The following ELAVL4 variants were observed in gnomAD, a reference collection of about 807,000 sequenced individuals.
The protein encoded by ELAVL4 is ELAV-like protein 4.
In ELAVL4, 1 loss-of-function variant was observed where a neutral mutation model predicts 35.6. The ratio of observed to expected loss-of-function variants is 0.03; its 90% CI spans 0.01 to 0.13. ELAVL4 has a LOEUF of 0.13. ELAVL4 is among the 10% of genes least tolerant of loss of function. The pLI is 1.00. For synonymous variants in ELAVL4, 156 were observed against 171.0 expected, an observed-to-expected ratio of 0.91 and a Z score of 0.69; for missense variants, 267 against 464.9, an observed-to-expected ratio of 0.57 and a Z score of 3.91.
chr1:50,106,049 G>GAA, upstream of ELAVL4: 3 of 380,224 alleles, frequency 7.9e-6, no homozygotes, highest in Non-Finnish European at 1.4e-5. Flanking sequence ...CCGCCTCATG[G>GAA]AAGTCAAGGA....
chr1:50,055,240 G>T (rs1320215945), intron 1 of ELAVL4, among the ~76,000 whole-genome samples: 2 of 151,908 alleles, frequency 1.3e-5, no homozygotes, highest in African/African-American at 4.8e-5. Context: ...TTAAATCCTG[G>T]TTTTGTGACT....
chr1:50,157,349 C>T (rs1213432266), intron 2 of ELAVL4, among the ~76,000 whole-genome samples: 4 of 152,118 alleles, frequency 2.6e-5, no homozygotes, highest in African/African-American at 9.7e-5. Context: ...CTGGTAAATT[C>T]AGGATATTAC....
intron 1 of ELAVL4, among the ~76,000 whole-genome samples, chr1:50,053,260 A>G (rs1663484934): frequency 6.6e-6 from 1 of 152,184 alleles, no homozygotes; most frequent in African/African-American, 2.4e-5. Flanking sequence ...TTCTTTTTGT[A>G]CTTTTAATAC....
chr1:50,171,847 T>C (rs1013550742), intron 2 of ELAVL4, among the ~76,000 whole-genome samples: 11 of 152,194 alleles, frequency 7.2e-5, no homozygotes, highest in African/African-American at 2.7e-4. Flanking sequence ...TCCCAGGATA[T>C]GGAGTTGGCT....
intron 6 of ELAVL4, among the ~76,000 whole-genome samples, chr1:50,198,456 T>C (rs1315712075): frequency 6.6e-6 from 1 of 152,178 alleles, no homozygotes; most frequent in Admixed American, 6.5e-5. Context: ...TCACTGGCCA[T>C]CCATGGTAAG....
At chr1:50,168,605 G>A (rs1366415076) in intron 2 of ELAVL4, among the ~76,000 whole-genome samples, 1 of 152,074 alleles carries the variant, frequency 6.6e-6, no homozygotes, top group Non-Finnish European at 1.5e-5. Context: ...CAACCAACCA[G>A]CTTCATTATG....
chr1:50,105,161 C>G (rs114378284), upstream of ELAVL4, among the ~76,000 whole-genome samples: 2,306 of 152,102 alleles, frequency 0.015, 58 homozygotes, highest in African/African-American at 0.053. Flanking sequence ...TAATTTCTAC[C>G]CAGAAGAAAA....
intron 1 of ELAVL4, among the ~76,000 whole-genome samples, chr1:50,057,092 A>T (rs191990776): frequency 6.6e-6 from 1 of 152,248 alleles, no homozygotes; most frequent in Non-Finnish European, 1.5e-5. Flanking sequence ...GTGGAACAAG[A>T]TGTGGAGGTG....
upstream of ELAVL4, chr1:50,104,005 G>C: frequency 6.2e-7 from 1 of 1,613,966 alleles, no homozygotes; most frequent in Non-Finnish European, 8.5e-7. Context: ...GAACAGGTCT[G>C]TTTAGCCACA....
chr1:50,109,307 G>C, intron 1 of ELAVL4, 109 bp downstream of exon 1: 1 of 1,191,226 alleles, frequency 8.4e-7, no homozygotes, highest in South Asian at 1.4e-5. Context: ...CTGTGCTGCT[G>C]TTTGGTTCCT....
At chr1:50,088,058 C>T (rs541488745) in intron 1 of ELAVL4, among the ~76,000 whole-genome samples, 4 of 152,248 alleles carry the variant, frequency 2.6e-5, no homozygotes, top group Admixed American at 2.0e-4. Flanking sequence ...CTGATAGTTC[C>T]TTTGAGGCTC....
At chr1:50,165,437 TATATAG>T (rs201357854) in intron 2 of ELAVL4, among the ~76,000 whole-genome samples, 3,613 of 150,424 alleles carry the variant, frequency 0.024, 150 homozygotes, top group African/African-American at 0.082. Flanking sequence ...GATATATATA[TATATAG>T]ATATAGATAT....
At chr1:50,198,536 C>T (rs1173211330) in intron 6 of ELAVL4, among the ~76,000 whole-genome samples, 7 of 152,112 alleles carry the variant, frequency 4.6e-5, no homozygotes, top group East Asian at 1.9e-4. Context: ...ATCAGAGGAC[C>T]GGCCTTTCAA....
At chr1:50,182,332 G>T (rs544227413) in intron 3 of ELAVL4, among the ~76,000 whole-genome samples, 7 of 152,324 alleles carry the variant, frequency 4.6e-5, no homozygotes. Context: ...GAATGTGAGG[G>T]TTTGGTATCA....
intron 4 of ELAVL4, among the ~76,000 whole-genome samples, chr1:50,194,539 G>A (rs982715836): frequency 6.6e-6 from 1 of 152,136 alleles, no homozygotes; most frequent in Non-Finnish European, 1.5e-5. Flanking sequence ...TTCCAATTTA[G>A]AACTCACCCC....
chr1:50,079,849 A>G (rs1281482658), intron 1 of ELAVL4, among the ~76,000 whole-genome samples: 5 of 152,224 alleles, frequency 3.3e-5, no homozygotes. Flanking sequence ...CTGTGTTTTT[A>G]GAGCAGCTTC....
intron 5 of ELAVL4, 109 bp from the exon 6 acceptor site, chr1:50,197,320 A>T: frequency 8.6e-7 from 1 of 1,161,536 alleles, no homozygotes; most frequent in Non-Finnish European, 1.2e-6. Context: ...CAGTGGGGAA[A>T]GTTGTTGAGC....
chr1:50,073,219 A>G (rs1178479715), intron 1 of ELAVL4, among the ~76,000 whole-genome samples: 2 of 152,168 alleles, frequency 1.3e-5, no homozygotes, highest in Admixed American at 6.5e-5. Flanking sequence ...CCAGTCCTTC[A>G]TAGTAAGTGG....
intron 1 of ELAVL4, among the ~76,000 whole-genome samples, chr1:50,116,025 C>T (rs944211437): frequency 4.6e-5 from 7 of 152,006 alleles, no homozygotes; most frequent in African/African-American, 1.7e-4. Context: ...AAATGTCTTT[C>T]CTTCTGTATT....
Sources: allele counts gnomAD v4.1 joint callset (sites outside exome capture counted in the v4.1 genomes callset), GRCh38; gene constraint gnomAD v4.1.1; transcripts MANE v1.5; gene names NCBI Gene and HGNC (gene_info 2026-07-23, HGNC 2026-07-21).